The following AK1 variants were observed in gnomAD, a reference collection of about 807,000 sequenced individuals.
AK1 encodes adenylate kinase 1.
AK1 carries 13 observed loss-of-function variants against 23.9 expected under a neutral mutation model. That is an observed-to-expected ratio of 0.54 (90% CI 0.35 to 0.86). The LOEUF is 0.86. Ranked by LOEUF, AK1 falls within the 40% of genes least tolerant of loss-of-function variation. AK1 has a pLI of 0.01. For missense variants in AK1, 214 were observed against 255.1 expected (o/e 0.84, Z 1.10); for synonymous variants, 97 against 102.8 (o/e 0.94, Z 0.34).
rs145006104 is a variant in AK1, at chr9:127,872,718, A to G, written c.179T>C (p.Ile60Thr). Residue 60 changes from isoleucine (I) to threonine (T), a missense_variant, in exon 4 of 7, where the codon ATC becomes ACC. Transcript: ENST00000644144. The stretch of plus-strand genomic sequence containing the variant: ...TGGAACCAGCTGCCCCTTCTCCATG[A>G]TTTCCGACAGCTTCTTGCCCCTGGC... ...GSARGKKLSEIMEKGQLVPLE... is the reference protein window; with the variant it reads ...GSARGKKLSETMEKGQLVPLE... The G allele has an allele frequency of 1.4e-5, 22 of 1,613,966 alleles. No individual in the cohort carries two copies. Among genetic ancestry groups the G allele is most frequent in the Non-Finnish European group, 1.8e-5 (21 of 1,180,008 alleles).
intron 1 of AK1, among the ~76,000 whole-genome samples, chr9:127,876,704 T>C (rs1372947843): frequency 7.2e-6 from 1 of 138,600 alleles, no homozygotes; most frequent in African/African-American, 2.7e-5. Flanking sequence ...TCCGCCCTGA[T>C]GGCACCTGCC....
rs923693795 is a variant in AK1 at position 127,868,782 on chromosome 9, C to G, written c.325-270G>C. On this transcript the variant is annotated intron_variant, in intron 5 of 6. Transcript: ENST00000644144. The surrounding 1 kb of genome is among the most constrained non-coding windows in gnomAD (Gnocchi z 4.1). The stretch of plus-strand genomic sequence containing the variant: ...TCTCTCTGCTCTAGGCTCTCATCAA[C>G]CTCCTTCCATGCCAGACCTGTGCTC... Among the ~76,000 whole-genome samples, 1 of 152,200 alleles carries G rather than the reference C, an allele frequency of 6.6e-6. No homozygotes were observed. Among genetic ancestry groups the G allele is most frequent in the Non-Finnish European group, 1.5e-5 (1 of 68,036 alleles).
At position 127,867,697 on chromosome 9, in the gene AK1, C is replaced by T; in HGVS notation, c.*311G>A. ...TGTGCGAGGAAGGGCCCCGGGCCTC[C>T]CACCAGAGCTAGAGGAGGGGTGGCT... On this transcript the variant is annotated 3_prime_UTR_variant, in exon 7 of 7. Coordinates refer to ENST00000644144, the MANE Select transcript of AK1 (RefSeq NM_000476.3). 1 of 392,226 alleles carries T rather than the reference C, an allele frequency of 2.5e-6. No homozygotes were observed. Among genetic ancestry groups the T allele is most frequent in the Non-Finnish European group, 4.8e-6 (1 of 207,328 alleles). The allele number at this position is 392,226 out of a possible 1,614,324, so 24.3% of individuals were successfully genotyped here. A position where few individuals can be genotyped will look rare whatever the true frequency, so the allele number is the denominator to read the frequency against.
At chr9:127,872,128 G>A (rs1019719434) in intron 4 of AK1, among the ~76,000 whole-genome samples, 189 bp from the exon 5 acceptor site, 4 of 152,212 alleles carry the variant, frequency 2.6e-5, no homozygotes. Flanking sequence ...ATGAATGAAT[G>A]ATGCATTCAC....
At chr9:127,873,388 G>A (rs1484489255) in intron 2 of AK1, 13 of 1,581,130 alleles carry the variant, frequency 8.2e-6, no homozygotes, top group Middle Eastern at 1.7e-4. Context: ...CCCCGGGGCC[G>A]GTCACCTCTG....
chr9:127,879,167 A>G (rs1313366104), upstream of AK1, among the ~76,000 whole-genome samples: 1 of 152,206 alleles, frequency 6.6e-6, no homozygotes, highest in African/African-American at 2.4e-5. Context: ...ACAAATTTGC[A>G]TAGGAAAGTT....
intron 1 of AK1, 129 bp from the exon 2 acceptor site, chr9:127,874,778 TG>T (rs1452666312): frequency 4.2e-6 from 4 of 944,316 alleles, no homozygotes; most frequent in Non-Finnish European, 6.6e-6. Context: ...AGGGGGCTGC[TG>T]GGGGCAGGGA....
chr9:127,877,298 G>A lies in AK1; in HGVS notation c.-33+325C>T, dbSNP rs1483037369. On this transcript the variant is annotated intron_variant, in intron 1 of 6. Coordinates refer to ENST00000644144, the MANE Select transcript of AK1 (RefSeq NM_000476.3). The surrounding 1 kb of genome is among the most constrained non-coding windows in gnomAD (Gnocchi z 5.2). Reference sequence around the variant, plus strand: ...CACAGCTCTCCCTCTCTGGGCCCAAGCTGGGACATGCCAAGGGCAGTGACC... The same window carrying A: ...CACAGCTCTCCCTCTCTGGGCCCAAACTGGGACATGCCAAGGGCAGTGACC... Among the ~76,000 whole-genome samples, 1 of 152,124 alleles carries A rather than the reference G, an allele frequency of 6.6e-6. No homozygotes were observed. The highest frequency in any genetic ancestry group is 2.4e-5 in the African/African-American group (1 of 41,436).
chr9:127,866,820 C>T lies in AK1; in HGVS notation c.*1188G>A, dbSNP rs534596319. 2.0e-5 allele frequency: 3 copies of T among 152,330 alleles called. No homozygotes were observed. Among genetic ancestry groups the T allele is most frequent in the Admixed American group, 1.3e-4 (2 of 15,294 alleles). The allele number at this position is 152,330 out of a possible 1,614,324, so 9.4% of individuals were successfully genotyped here. On this transcript the variant is annotated 3_prime_UTR_variant, in exon 7 of 7. Transcript: ENST00000644144. The stretch of plus-strand genomic sequence containing the variant: ...TGTTCTGGTCTCCAGCCCTCATGGC[C>T]GTGGCAATGGACAGCGTCCACTCCT...
At chr9:127,869,611 T>C (rs116313129) in intron 5 of AK1, 2,532 of 152,472 alleles carry the variant, frequency 0.017, 30 homozygotes, top group African/African-American at 0.03. Flanking sequence ...CGCTCATCCC[T>C]AGCTCCTCCG....
intron 2 of AK1, chr9:127,874,244 C>G (rs1340277322): frequency 1.0e-6 from 1 of 985,446 alleles, no homozygotes; most frequent in Admixed American, 6.1e-5. Context: ...CCCACCCTCA[C>G]TGGATGATAG....
At chr9:127,872,060 A>G in intron 4 of AK1, 121 bp from the exon 5 acceptor site, 1 of 834,738 alleles carries the variant, frequency 1.2e-6, no homozygotes, top group Non-Finnish European at 2.0e-6. Flanking sequence ...TGTCCCAAAC[A>G]AGCCTCCCCC....
chr9:127,868,503 G>C lies in AK1; in HGVS notation c.334C>G (p.Pro112Ala). Residue 112 changes from proline to alanine, a missense_variant, in exon 6 of 7, where the codon CCC (proline) becomes GCC (alanine). Transcript: ENST00000644144. The surrounding 1 kb of genome is among the most constrained non-coding windows in gnomAD (Gnocchi z 4.1). ...GCGTCCACATACAGCAGCAGTGTGGGCTGTCCAATCTGCAGGCGGGCACCA... is the reference window on the plus strand; with the variant it reads ...GCGTCCACATACAGCAGCAGTGTGGCCTGTCCAATCTGCAGGCGGGCACCA... ...GEEFERRIGQ[P>A]TLLLYVDAGP... The C allele has an allele frequency of 6.3e-7, 1 of 1,585,952 alleles. No individual in the cohort carries two copies. Among genetic ancestry groups the C allele is most frequent in the Non-Finnish European group, 8.6e-7 (1 of 1,165,604 alleles).
rs370619008 is a variant in AK1, at chr9:127,872,780, G to C, written c.117C>G (p.Thr39=). The part of the protein sequence containing the change: ...VQKYGYTHLS[T]GDLLRSEVSS... ...TGACCTCGGACCGCAGGAGGTCCCC[G>C]GTGGAGAGGTGGGTGTAGCCATACT... Residue 39 remains threonine (T), a synonymous_variant, in exon 4 of 7, where the codon ACC becomes ACG. Transcript: ENST00000644144. 1.7e-4 allele frequency: 273 copies of C among 1,613,978 alleles called. No individual in the cohort carries two copies. The highest frequency in any genetic ancestry group is 2.2e-4 in the Non-Finnish European group (259 of 1,180,028).
At chr9:127,879,051 C>T (rs1019292727), upstream of AK1, among the ~76,000 whole-genome samples, 1 of 137,754 alleles carries the variant, frequency 7.3e-6, no homozygotes, top group Non-Finnish European at 1.5e-5. Flanking sequence ...AACGAGATCC[C>T]GTCTCTAAAA....
rs1250581696 is a variant in AK1, at chr9:127,876,752, C to A, written c.-33+871G>T. Among the ~76,000 whole-genome samples the A allele has an allele frequency of 3.4e-5, 5 of 145,120 alleles. 1 individual carries two copies. Among genetic ancestry groups the A allele is most frequent in the Non-Finnish European group, 7.5e-5 (5 of 66,916 alleles). ...CAAAATAACTTGGGTCGTGAGGAGG[C>A]CTCACAGAGGACAGGGGTCTAGGAT... On this transcript the variant is annotated intron_variant, in intron 1 of 6. Transcript: ENST00000644144.
rs1041455212 is a variant in AK1 at position 127,877,451 on chromosome 9, G to T, written c.-33+172C>A. Among the ~76,000 whole-genome samples the T allele has an allele frequency of 1.3e-5, 2 of 152,138 alleles. No individual in the cohort carries two copies. The highest frequency in any genetic ancestry group is 2.9e-5 in the Non-Finnish European group (2 of 68,012). ...ACAAAGGCACAGGCAGCGAGGCACAGATCCCCAGCGCCCGGGGAACACAGC... is the reference window on the plus strand; with the variant it reads ...ACAAAGGCACAGGCAGCGAGGCACATATCCCCAGCGCCCGGGGAACACAGC... On this transcript the variant is annotated intron_variant, in intron 1 of 6. Transcript: ENST00000644144. This position sits in a 1 kb window ranked among gnomAD's most constrained non-coding sequence, Gnocchi z 5.2.
At chr9:127,875,690 G>C (rs1436927123) in intron 1 of AK1, among the ~76,000 whole-genome samples, 5 of 148,542 alleles carry the variant, frequency 3.4e-5, no homozygotes. Context: ...AGCCCCACAG[G>C]CTTCTCAGGC....
In AK1 at chr9:127,871,586, G is replaced by A. The variant is rs963588899; in HGVS notation, c.324+237C>T. On this transcript the variant is annotated intron_variant, in intron 5 of 6. Transcript: ENST00000644144. The surrounding 1 kb of genome is among the most constrained non-coding windows in gnomAD (Gnocchi z 4.4). ...AATGACTGGCCCAAGATCTCAAGCC[G>A]TTGAGCTGGAATCTGAGCCCAGGTT... is the stretch of plus-strand genomic sequence containing the variant. Among the ~76,000 whole-genome samples the A allele has an allele frequency of 4.6e-5, 7 of 151,604 alleles. No homozygotes were observed. The highest frequency in any genetic ancestry group is 8.8e-5 in the Non-Finnish European group (6 of 68,030).
Sources: allele counts gnomAD v4.1 joint callset (sites outside exome capture counted in the v4.1 genomes callset), GRCh38; gene constraint gnomAD v4.1.1; non-coding constraint Gnocchi (gnomAD v3.1); transcripts MANE v1.5; gene names NCBI Gene and HGNC (gene_info 2026-07-23, HGNC 2026-07-21).